SCHIP1: variants seen among roughly 807,000 people sequenced by gnomAD.
SCHIP1 encodes schwannomin interacting protein 1.
SCHIP1 carries 8 observed loss-of-function variants against 29.7 expected under a neutral mutation model. The observed-to-expected ratio is 0.27, with a 90% CI of 0.16 to 0.49. SCHIP1 has a LOEUF of 0.49. SCHIP1 is among the 20% of genes least tolerant of loss of function. The pLI, the probability that SCHIP1 is intolerant of heterozygous loss-of-function variation, is 0.99. For synonymous variants in SCHIP1, 76 were observed against 94.9 expected, an observed-to-expected ratio of 0.80 and a Z score of 1.16; for missense variants, 193 against 294.6, an observed-to-expected ratio of 0.66 and a Z score of 2.52.
At chr3:159,886,356 T>C in intron 3 of SCHIP1, 32 bp downstream of exon 4, 3 of 1,598,016 alleles carry the variant, frequency 1.9e-6, no homozygotes, top group Middle Eastern at 1.8e-4. Context: ...TGAAGCTCGG[T>C]GTTGTGATTT....
intron 1 of SCHIP1, among the ~76,000 whole-genome samples, chr3:159,847,233 C>T (rs1711966115): frequency 6.6e-6 from 1 of 152,066 alleles, no homozygotes; most frequent in Non-Finnish European, 1.5e-5. Flanking sequence ...GTAGAGACAC[C>T]CTATTCATGC....
At chr3:159,338,594 C>T in the SCHIP1 span, among the ~76,000 whole-genome samples, 1 of 152,078 alleles carries the variant, frequency 6.6e-6, no homozygotes, top group Non-Finnish European at 1.5e-5. Context: ...ACTCTATCTT[C>T]TATGCAGTGC....
chr3:159,581,016 G>T, the SCHIP1 span, among the ~76,000 whole-genome samples: 99 of 152,252 alleles, frequency 6.5e-4, 1 homozygote, highest in African/African-American at 2.3e-3. Context: ...CTGTCTTGGT[G>T]TATGCCTCAC....
chr3:159,449,667 T>C, the SCHIP1 span, among the ~76,000 whole-genome samples: 3 of 152,314 alleles, frequency 2.0e-5, no homozygotes, highest in Non-Finnish European at 4.4e-5. Context: ...TTCATTATTA[T>C]GTAGAAACTG....
the SCHIP1 span, among the ~76,000 whole-genome samples, chr3:159,430,226 G>A: frequency 6.6e-6 from 1 of 152,076 alleles, no homozygotes; most frequent in Non-Finnish European, 1.5e-5. Context: ...GTAAGCTCTG[G>A]TTGTCTGTAT....
At chr3:159,697,303 T>C in the SCHIP1 span, among the ~76,000 whole-genome samples, 190 of 152,274 alleles carry the variant, frequency 1.2e-3, no homozygotes, top group African/African-American at 4.5e-3. Flanking sequence ...ATTTAGGTAG[T>C]TTGGGGTGCC....
the SCHIP1 span, among the ~76,000 whole-genome samples, chr3:159,439,481 T>C: frequency 1.3e-5 from 2 of 152,170 alleles, no homozygotes; most frequent in Admixed American, 6.6e-5. Context: ...AACCACCCCA[T>C]GATTCAATTA....
chr3:159,304,100 A>C, the SCHIP1 span, among the ~76,000 whole-genome samples: 2 of 148,572 alleles, frequency 1.3e-5, no homozygotes, highest in East Asian at 4.0e-4. Flanking sequence ...CCTATGAGTG[A>C]GAATATACGG....
the SCHIP1 span, among the ~76,000 whole-genome samples, chr3:159,420,133 T>A: frequency 6.6e-6 from 1 of 152,320 alleles, no homozygotes; most frequent in South Asian, 2.1e-4. Flanking sequence ...GGCATAGATT[T>A]AAAATGTAAT....
the SCHIP1 span, among the ~76,000 whole-genome samples, chr3:159,474,160 T>C: frequency 6.6e-6 from 1 of 152,194 alleles, no homozygotes; most frequent in Non-Finnish European, 1.5e-5. Context: ...AGTCCTGTTA[T>C]ATAGATATGA....
At chr3:159,484,748 T>C in the SCHIP1 span, among the ~76,000 whole-genome samples, 1 of 152,170 alleles carries the variant, frequency 6.6e-6, no homozygotes, top group Non-Finnish European at 1.5e-5. Flanking sequence ...AAATTAAAAC[T>C]ATTGACCATT....
the SCHIP1 span, among the ~76,000 whole-genome samples, chr3:159,648,873 G>A: frequency 6.6e-6 from 1 of 151,846 alleles, no homozygotes; most frequent in African/African-American, 2.4e-5. Flanking sequence ...ATGGGGGAGG[G>A]GAGTGGGGAA....
chr3:159,383,426 G>T, the SCHIP1 span, among the ~76,000 whole-genome samples: 1 of 151,364 alleles, frequency 6.6e-6, no homozygotes, highest in Non-Finnish European at 1.5e-5. Flanking sequence ...GTAGATATGC[G>T]GCGTTATTTC....
chr3:159,742,910 C>T, the SCHIP1 span, among the ~76,000 whole-genome samples: 5 of 141,226 alleles, frequency 3.5e-5, no homozygotes, highest in Non-Finnish European at 6.0e-5. Context: ...TGGTCTCAAA[C>T]TCCTGACCTC....
intron 2 of SCHIP1, among the ~76,000 whole-genome samples, chr3:159,872,041 G>C (rs1157810086): frequency 6.6e-6 from 1 of 152,106 alleles, no homozygotes; most frequent in Non-Finnish European, 1.5e-5. Flanking sequence ...ATGGTAGATT[G>C]AGGTAGTTAA....
the SCHIP1 span, among the ~76,000 whole-genome samples, chr3:159,411,892 A>G: frequency 6.6e-6 from 1 of 152,198 alleles, no homozygotes; most frequent in Non-Finnish European, 1.5e-5. Flanking sequence ...TTATAAGGAA[A>G]ACATGGTAAG....
the SCHIP1 span, among the ~76,000 whole-genome samples, chr3:159,686,171 A>G: frequency 6.6e-6 from 1 of 152,222 alleles, no homozygotes; most frequent in Non-Finnish European, 1.5e-5. Flanking sequence ...AACTACAGAA[A>G]GAGTTGTTTT....
chr3:159,855,890 G>A (rs1351783720), intron 1 of SCHIP1, among the ~76,000 whole-genome samples: 5 of 152,150 alleles, frequency 3.3e-5, no homozygotes, highest in Non-Finnish European at 1.5e-5. Flanking sequence ...AGATTCCACC[G>A]AAGCAAAGGA....
At chr3:159,275,434 G>T in the SCHIP1 span, among the ~76,000 whole-genome samples, 1 of 152,066 alleles carries the variant, frequency 6.6e-6, no homozygotes, top group East Asian at 1.9e-4. Context: ...TAATCCAGAA[G>T]AATCCAAGAC....
Sources: gnomAD v4.1 joint callset for allele counts (sites outside exome capture counted in the v4.1 genomes callset) on GRCh38, gnomAD v4.1.1 for gene constraint, MANE v1.5 for transcripts, NCBI Gene and HGNC (gene_info 2026-07-23, HGNC 2026-07-21) for gene names.